Variants in DST observed in about 807,000 individuals in gnomAD.
DST encodes bullous pemphigoid antigen.
Under a neutral mutation model 875.2 loss-of-function variants are expected in DST, and 253 were observed. The ratio of observed to expected loss-of-function variants is 0.29; its 90% CI spans 0.26 to 0.32. DST has a LOEUF of 0.32. DST is among the 10% of genes least tolerant of loss of function. The probability of loss-of-function intolerance (pLI) is 1.00; values close to 1 mark genes in which losing one functional copy is unlikely to be tolerated. For synonymous variants in DST, 3,124 were observed against 3,197.1 expected, an observed-to-expected ratio of 0.98 and a Z score of 0.77; for missense variants, 8,287 against 9,111.6, an observed-to-expected ratio of 0.91 and a Z score of 3.68.
intron 61 of DST, among the ~76,000 whole-genome samples, chr6:56,549,575 C>T (rs1306908984): frequency 6.6e-6 from 1 of 152,186 alleles, no homozygotes; most frequent in Non-Finnish European, 1.5e-5. Context: ...ATCTCAGTAG[C>T]AGCAGTAGTG....
chr6:56,698,562 T>A (rs183143747), intron 9 of DST, among the ~76,000 whole-genome samples: 453 of 152,288 alleles, frequency 3.0e-3, no homozygotes, highest in South Asian at 5.2e-3. Flanking sequence ...CCTGACCTCA[T>A]GATCCACTCG....
intron 22 of DST, 57 bp downstream of exon 22, chr6:56,639,202 T>G: frequency 7.1e-7 from 1 of 1,403,062 alleles, no homozygotes. Flanking sequence ...TAAAAGAATC[T>G]GAAGGGAAAT....
intron 47 of DST, among the ~76,000 whole-genome samples, chr6:56,595,779 A>ACCCCCCCCCC (rs559086079): frequency 2.1e-5 from 3 of 144,528 alleles, no homozygotes; most frequent in African/African-American, 8.7e-5. Context: ...TTCATATGCT[A>ACCCCCCCCCC]CCCCCACCCC....
intron 55 of DST, among the ~76,000 whole-genome samples, chr6:56,567,130 G>A (rs1263442524): frequency 6.6e-6 from 1 of 152,182 alleles, no homozygotes; most frequent in Non-Finnish European, 1.5e-5. Context: ...TCAGTAAGCA[G>A]TAAACTAACA....
chr6:56,795,401 C>T (rs933444999), intron 4 of DST, among the ~76,000 whole-genome samples: 11 of 151,768 alleles, frequency 7.2e-5, no homozygotes, highest in South Asian at 6.2e-4. Context: ...ATCAGAAGAA[C>T]GGGAGAAAAT....
At chr6:56,838,834 C>T (rs1455082008) in intron 4 of DST, among the ~76,000 whole-genome samples, 4 of 152,160 alleles carry the variant, frequency 2.6e-5, no homozygotes, top group African/African-American at 7.2e-5. Context: ...CATTCAAATG[C>T]GTCATTTTGA....
intron 55 of DST, among the ~76,000 whole-genome samples, chr6:56,563,258 G>A (rs2097570403): frequency 6.6e-6 from 1 of 152,130 alleles, no homozygotes; most frequent in Admixed American, 6.5e-5. Flanking sequence ...GTTGTTTCCT[G>A]ACTTTTTAAT....
At chr6:56,660,601 C>G (rs2099034040) in intron 10 of DST, among the ~76,000 whole-genome samples, 1 of 149,528 alleles carries the variant, frequency 6.7e-6, no homozygotes, top group African/African-American at 2.5e-5. Flanking sequence ...AAGCACCTCA[C>G]CTTGCAATCA....
At chr6:56,700,190 G>A (rs933385010) in intron 8 of DST, among the ~76,000 whole-genome samples, 2 of 152,160 alleles carry the variant, frequency 1.3e-5, no homozygotes, top group African/African-American at 2.4e-5. Context: ...TCTAATGCCT[G>A]ATGATCCGAG....
At chr6:56,561,114 C>A (rs2152566372) in intron 57 of DST, among the ~76,000 whole-genome samples, 194 bp downstream of exon 57, 2 of 151,980 alleles carry the variant, frequency 1.3e-5, no homozygotes, top group South Asian at 4.2e-4. Context: ...CATGGCTGTG[C>A]CAAAAATTTA....
chr6:56,739,108 C>A (rs995013258), intron 4 of DST, among the ~76,000 whole-genome samples: 1 of 148,236 alleles, frequency 6.7e-6, no homozygotes, highest in Non-Finnish European at 1.5e-5. Flanking sequence ...CTACCACATA[C>A]TAGATGCCAC....
At chr6:56,471,718 T>A in intron 94 of DST, 1 of 383,358 alleles carries the variant, frequency 2.6e-6, no homozygotes, top group South Asian at 2.3e-5. Flanking sequence ...ATACACACAA[T>A]CAAAAGATCT....
At chr6:56,624,394 T>A (rs757740815) in intron 36 of DST, 136 bp downstream of exon 36, 1 of 712,058 alleles carries the variant, frequency 1.4e-6, no homozygotes, top group South Asian at 1.5e-5. Flanking sequence ...ATTTTATAAT[T>A]CAATATTTAT....
At position 56,562,038 on chromosome 6, in the gene DST, C is replaced by T. The variant is rs535043488; in HGVS notation, c.14068+100G>A. 35 of 630,126 alleles carry T rather than the reference C, an allele frequency of 5.6e-5. No homozygotes were observed. In the Middle Eastern group the frequency reaches 1.3e-3, roughly 23 times the overall value. 39.0% of individuals were successfully genotyped at this position (630,126 alleles called of 1,614,324 possible). ...AGATTAAATACCATTGTAATTCAGG[C>T]TTGAAATTTCAATATAACTACTGTT... On this transcript the variant is annotated intron_variant, in intron 56 of 103. Transcript: ENST00000680361.
At chr6:56,830,406 T>C (rs888104557) in intron 4 of DST, among the ~76,000 whole-genome samples, 8 of 152,190 alleles carry the variant, frequency 5.3e-5, no homozygotes, top group East Asian at 1.9e-4. Context: ...ATATAGGTAA[T>C]TGAATTACAG....
chr6:56,812,109 A>AAAAAGAAAAGAAAAGAAG (rs2099760881), intron 4 of DST, among the ~76,000 whole-genome samples: 1 of 111,802 alleles, frequency 8.9e-6, no homozygotes, highest in Non-Finnish European at 1.8e-5. Context: ...CTCAAAAAAA[A>AAAAAGAAAAGAAAAGAAG]AAAAGAAAAG....
intron 3 of DST, among the ~76,000 whole-genome samples, chr6:56,888,259 C>A (rs1373772226): frequency 6.6e-6 from 1 of 151,910 alleles, no homozygotes; most frequent in East Asian, 1.9e-4. Context: ...TAAATGAAAT[C>A]TTTTATAAAA....
chr6:56,944,112 G>A (rs1279843515), intron 2 of DST, among the ~76,000 whole-genome samples: 1 of 152,086 alleles, frequency 6.6e-6, no homozygotes, highest in Non-Finnish European at 1.5e-5. Context: ...GAGAGACCCT[G>A]TCTCAAATAA....
intron 5 of DST, among the ~76,000 whole-genome samples, chr6:56,734,080 T>G (rs1007317572): frequency 1.3e-5 from 2 of 152,228 alleles, no homozygotes; most frequent in Non-Finnish European, 2.9e-5. Flanking sequence ...CCATAAAGTA[T>G]GTGCAGAATG....
Sources: gnomAD v4.1 joint callset for allele counts (sites outside exome capture counted in the v4.1 genomes callset) on GRCh38, gnomAD v4.1.1 for gene constraint, MANE v1.5 for transcripts, NCBI Gene and HGNC (gene_info 2026-07-23, HGNC 2026-07-21) for gene names.